The following TENM4 variants were observed in gnomAD, a reference collection of about 807,000 sequenced individuals.
The protein encoded by TENM4 is teneurin-4.
TENM4 carries 82 observed loss-of-function variants against 243.3 expected under a neutral mutation model. The ratio of observed to expected loss-of-function variants is 0.34; its 90% CI spans 0.28 to 0.40. The LOEUF (loss-of-function observed/expected upper bound fraction) is 0.40. Ranked by LOEUF, TENM4 falls within the 10% of genes least tolerant of loss-of-function variation. TENM4 has a pLI of 1.00. For missense variants in TENM4, 3,138 were observed against 3,673.3 expected (o/e 0.85, Z 3.77); for synonymous variants, 1,412 against 1,456.3 (o/e 0.97, Z 0.69).
chr11:79,365,381 T>G (rs546195316), intron 1 of TENM4, among the ~76,000 whole-genome samples: 177 of 152,278 alleles, frequency 1.2e-3, no homozygotes, highest in Non-Finnish European at 2.0e-3. Flanking sequence ...CAGTAGCAAC[T>G]GTATTATGAA....
chr11:79,320,415 T>C (rs1381982322), intron 1 of TENM4, among the ~76,000 whole-genome samples: 6 of 152,168 alleles, frequency 3.9e-5, no homozygotes, highest in African/African-American at 1.4e-4. Flanking sequence ...TCAATCAAAA[T>C]AGCAGTTGAG....
At chr11:78,888,711 G>C (rs1273756446) in intron 9 of TENM4, among the ~76,000 whole-genome samples, 1 of 152,188 alleles carries the variant, frequency 6.6e-6, no homozygotes, top group African/African-American at 2.4e-5. Context: ...TTCACAGTGG[G>C]CAGCACTGTC....
At chr11:78,872,274 CAAGCATTCTAGG>C (rs1317666098) in intron 9 of TENM4, among the ~76,000 whole-genome samples, 1 of 152,164 alleles carries the variant, frequency 6.6e-6, no homozygotes, top group Non-Finnish European at 1.5e-5. Flanking sequence ...ATCAACAGGG[CAAGCATTCTAGG>C]AAGCGGCTCC....
chr11:78,981,918 G>GT (rs1280101826), intron 6 of TENM4, among the ~76,000 whole-genome samples: 1 of 152,012 alleles, frequency 6.6e-6, no homozygotes, highest in East Asian at 1.9e-4. Flanking sequence ...ACCCAGCTCA[G>GT]TTTTTTGGTT....
At chr11:79,236,740 A>C (rs183244402) in intron 2 of TENM4, among the ~76,000 whole-genome samples, 3 of 152,304 alleles carry the variant, frequency 2.0e-5, no homozygotes, top group Admixed American at 6.5e-5. Context: ...TGGAAACAAT[A>C]TACTGACTCC....
intron 18 of TENM4, among the ~76,000 whole-genome samples, chr11:78,760,269 G>A (rs977529310): frequency 1.3e-5 from 2 of 152,166 alleles, no homozygotes; most frequent in African/African-American, 2.4e-5. Flanking sequence ...AACAGAGGTC[G>A]ACGGAGCCTT....
chr11:78,780,348 C>G (rs187040663), intron 16 of TENM4, among the ~76,000 whole-genome samples: 25 of 152,326 alleles, frequency 1.6e-4, no homozygotes, highest in Admixed American at 1.6e-3. Context: ...CCAGGATATG[C>G]TATCAAAGGG....
At chr11:78,800,733 A>AGG (rs535076807) in intron 15 of TENM4, among the ~76,000 whole-genome samples, 4,053 of 105,550 alleles carry the variant, frequency 0.038, 75 homozygotes, top group African/African-American at 0.065. Context: ...CAGAGTTCAC[A>AGG]GGGGAGAGAG....
chr11:78,904,654 C>T, intron 6 of TENM4, among the ~76,000 whole-genome samples: 1 of 152,130 alleles, frequency 6.6e-6, no homozygotes, highest in Non-Finnish European at 1.5e-5. Context: ...GTAGGGACTG[C>T]TTTTATCCCC....
intron 14 of TENM4, among the ~76,000 whole-genome samples, chr11:78,810,866 G>C (rs990669989): frequency 6.6e-6 from 1 of 152,204 alleles, no homozygotes; most frequent in African/African-American, 2.4e-5. Flanking sequence ...CACTGGGGAA[G>C]GTGCCAGGGT....
At chr11:78,695,618 C>A (rs564666839) in intron 28 of TENM4, among the ~76,000 whole-genome samples, 19 of 151,946 alleles carry the variant, frequency 1.3e-4, no homozygotes, top group African/African-American at 4.3e-4. Context: ...CTGCCTCGGC[C>A]TCCCAAAGTG....
At chr11:79,259,736 A>G (rs1855765054) in intron 2 of TENM4, among the ~76,000 whole-genome samples, 1 of 152,104 alleles carries the variant, frequency 6.6e-6, no homozygotes, top group South Asian at 2.1e-4. Flanking sequence ...TATACCCATG[A>G]ACTCAATCAC....
intron 6 of TENM4, among the ~76,000 whole-genome samples, chr11:79,031,721 T>A (rs964227210): frequency 3.3e-5 from 5 of 152,294 alleles, no homozygotes; most frequent in African/African-American, 1.2e-4. Flanking sequence ...GCATGCTGGG[T>A]TGGACATGCC....
rs1476429278 is a variant in TENM4 at position 79,069,951 on chromosome 11, C to T, written c.-7G>A. The T allele has an allele frequency of 5.2e-6, 8 of 1,544,018 alleles. No individual in the cohort carries two copies. The highest frequency in any genetic ancestry group is 7.0e-6 in the Non-Finnish European group (8 of 1,146,076). On this transcript the variant is annotated 5_prime_UTR_variant, in exon 5 of 34. Transcript: ENST00000278550. ...TCCTCTCCTTCACGTCCATGGCCTC[C>T]GGCCCGCGCTCCTCCACATCCACAA...
chr11:79,077,173 G>A (rs1424726695), intron 4 of TENM4, among the ~76,000 whole-genome samples: 2 of 152,094 alleles, frequency 1.3e-5, no homozygotes, highest in African/African-American at 4.8e-5. Context: ...CTACCCTCCT[G>A]TGCCAAGCCT....
chr11:79,217,410 G>T (rs191536076), intron 2 of TENM4, among the ~76,000 whole-genome samples: 2 of 152,084 alleles, frequency 1.3e-5, no homozygotes, highest in Non-Finnish European at 2.9e-5. Flanking sequence ...GGCATAGGAG[G>T]TTAACCCCCA....
rs1240209055 is a variant in TENM4 at position 78,657,780 on chromosome 11, G to A, written c.*278C>T. ...GGAGATACATACCCCAAACGACAAG[G>A]GAAAAATCCTCAAGGAAAAAGGGAA... On this transcript the variant is annotated 3_prime_UTR_variant, in exon 34 of 34. Transcript: ENST00000278550. 1 of 536,166 alleles carries A rather than the reference G, an allele frequency of 1.9e-6. No individual in the cohort carries two copies. Among genetic ancestry groups the A allele is most frequent in the Non-Finnish European group, 3.3e-6 (1 of 300,798 alleles). The allele number at this position is 536,166 out of a possible 1,614,324, so 33.2% of individuals were successfully genotyped here.
chr11:78,710,525 A>C (rs2135798441), intron 26 of TENM4, among the ~76,000 whole-genome samples: 1 of 152,248 alleles, frequency 6.6e-6, no homozygotes, highest in Non-Finnish European at 1.5e-5. Context: ...ATGTACATTA[A>C]TTTCATTCTG....
intron 4 of TENM4, among the ~76,000 whole-genome samples, chr11:79,132,335 G>A (rs1862022202): frequency 4.0e-5 from 1 of 24,888 alleles, no homozygotes; most frequent in Admixed American, 4.5e-4. Context: ...GAAAGAGCAA[G>A]ACTCCAACTC....
Sources: gnomAD v4.1 joint callset for allele counts (sites outside exome capture counted in the v4.1 genomes callset) on GRCh38, gnomAD v4.1.1 for gene constraint, MANE v1.5 for transcripts, NCBI Gene and HGNC (gene_info 2026-07-23, HGNC 2026-07-21) for gene names.